SLC26A7: variants seen among roughly 807,000 people sequenced by gnomAD.
SLC26A7 encodes the protein solute carrier family 26 member 7, also known as anion exchange transporter.
Under a neutral mutation model 82.5 loss-of-function variants are expected in SLC26A7, and 59 were observed. The observed-to-expected ratio is 0.72, with a 90% CI of 0.58 to 0.89. SLC26A7 has a LOEUF of 0.89. SLC26A7 is among the 40% of genes least tolerant of loss of function. The probability of loss-of-function intolerance (pLI) is 0.00; values close to 1 mark genes in which losing one functional copy is unlikely to be tolerated. For missense variants in SLC26A7, 820 were observed against 793.0 expected (o/e 1.03, Z -0.41); for synonymous variants, 271 against 274.3 (o/e 0.99, Z 0.12).
chr8:91,312,333 A>C (rs1307254385), intron 4 of SLC26A7, among the ~76,000 whole-genome samples: 2 of 152,010 alleles, frequency 1.3e-5, no homozygotes, highest in South Asian at 4.1e-4. Context: ...TATATACTAC[A>C]TTTTGTTTAT....
intron 9 of SLC26A7, among the ~76,000 whole-genome samples, chr8:91,345,505 C>A (rs958062683): frequency 1.2e-4 from 19 of 152,162 alleles, no homozygotes; most frequent in Admixed American, 9.2e-4. Flanking sequence ...AATGCTTGAG[C>A]ACTAAATGTC....
chr8:91,235,481 C>G (rs189621169), intron 2 of SLC26A7, among the ~76,000 whole-genome samples: 18 of 152,098 alleles, frequency 1.2e-4, no homozygotes, highest in African/African-American at 4.3e-4. Flanking sequence ...AGAATTCCCA[C>G]CAGTCTAGGA....
intron 11 of SLC26A7, 136 bp downstream of exon 11, chr8:91,353,132 T>C (rs6996677): frequency 4.0e-5 from 19 of 474,408 alleles, no homozygotes; most frequent in African/African-American, 1.4e-4. Flanking sequence ...CCATTTTTTT[T>C]CCAAAATCTT....
At chr8:91,222,808 G>A (rs1243335731) in intron 2 of SLC26A7, among the ~76,000 whole-genome samples, 1 of 151,638 alleles carries the variant, frequency 6.6e-6, no homozygotes, top group African/African-American at 2.4e-5. Context: ...TTCTTTTTTT[G>A]TTGTGTCTCT....
intron 7 of SLC26A7, among the ~76,000 whole-genome samples, chr8:91,339,192 C>G (rs1262087925): frequency 6.6e-6 from 1 of 151,954 alleles, no homozygotes; most frequent in Non-Finnish European, 1.5e-5. Context: ...AAACAAAGTT[C>G]TTTTACTTTG....
chr8:91,254,418 C>A (rs1200504923), intron 2 of SLC26A7, among the ~76,000 whole-genome samples: 1 of 152,060 alleles, frequency 6.6e-6, no homozygotes, highest in Non-Finnish European at 1.5e-5. Flanking sequence ...TGTTGAAATG[C>A]CTCAAATTTG....
At chr8:91,234,851 C>A (rs71528790) in intron 2 of SLC26A7, among the ~76,000 whole-genome samples, 6 of 149,912 alleles carry the variant, frequency 4.0e-5, no homozygotes, top group South Asian at 4.3e-4. Flanking sequence ...TTCCTTCCTT[C>A]CTTCCTTCCT....
chr8:91,294,528 T>C (rs994239149), intron 3 of SLC26A7, among the ~76,000 whole-genome samples: 3 of 152,150 alleles, frequency 2.0e-5, no homozygotes, highest in Non-Finnish European at 4.4e-5. Flanking sequence ...TTGGGTTGTC[T>C]ACATGTTGAA....
chr8:91,380,985 A>G (rs2130894556), intron 15 of SLC26A7, among the ~76,000 whole-genome samples: 1 of 152,326 alleles, frequency 6.6e-6, no homozygotes, highest in East Asian at 1.9e-4. Context: ...TGACATAATA[A>G]TGAAAATTAT....
In SLC26A7 at chr8:91,395,238, A is replaced by G. The variant is rs1329908237; in HGVS notation, c.*141A>G. ...AAGTACGATGTGACTTAGTAACTGC[A>G]TAGCAGTTGGAAAGAACTGCCAACT... On this transcript the variant is annotated 3_prime_UTR_variant, in exon 19 of 19. Coordinates refer to ENST00000276609, the MANE Select transcript of SLC26A7 (RefSeq NM_052832.4). 7.6e-6 allele frequency: 11 copies of G among 1,438,238 alleles called. No homozygotes were observed. Among genetic ancestry groups the G allele is most frequent in the African/African-American group, 1.4e-5 (1 of 69,654 alleles). The allele number at this position is 1,438,238 out of a possible 1,614,324, so 89.1% of individuals were successfully genotyped here. A position where few individuals can be genotyped will look rare whatever the true frequency, so the allele number is the denominator to read the frequency against.
At position 91,382,851 on chromosome 8, in the gene SLC26A7, G is replaced by A. The variant is rs140722689; in HGVS notation, c.1676-6487G>A. Among the ~76,000 whole-genome samples the A allele has an allele frequency of 6.3e-3, 959 of 152,224 alleles. 7 individuals carry two copies. Among genetic ancestry groups the A allele is most frequent in the South Asian group, 0.031 (148 of 4,820 alleles). On this transcript the variant is annotated intron_variant, in intron 15 of 18. Transcript: ENST00000276609. ...TTCTCAATAACTAAAATAGGTAATA[G>A]GCAAACGCTCTACTCTTCATTTTAA...
At position 91,363,457 on chromosome 8, in the gene SLC26A7, C is replaced by A; in HGVS notation, c.1422-15C>A. The A allele has an allele frequency of 6.9e-7, 1 of 1,440,606 alleles. No individual in the cohort carries two copies. Among genetic ancestry groups the A allele is most frequent in the Non-Finnish European group, 9.5e-7 (1 of 1,048,812 alleles). 89.2% of individuals were successfully genotyped at this position (1,440,606 alleles called of 1,614,324 possible). ...GGAAATGACTTGTTTTATTTTCTAT[C>A]TGCTTTAATTTCAGAGCAATGACTG... On this transcript the variant is annotated splice_polypyrimidine_tract_variant and intron_variant, in intron 12 of 18. Transcript: ENST00000276609.
At chr8:91,293,278 A>G (rs1811922801) in intron 3 of SLC26A7, among the ~76,000 whole-genome samples, 2 of 152,234 alleles carry the variant, frequency 1.3e-5, no homozygotes, top group Admixed American at 6.5e-5. Context: ...GTAGTGGTAT[A>G]TAAGGGTACC....
chr8:91,268,253 G>C (rs1007677971), intron 2 of SLC26A7, among the ~76,000 whole-genome samples: 4 of 151,702 alleles, frequency 2.6e-5, no homozygotes, highest in Admixed American at 1.3e-4. Context: ...TACTATTACT[G>C]TATTGCAACT....
At chr8:91,301,959 T>G (rs1024987348) in intron 4 of SLC26A7, among the ~76,000 whole-genome samples, 1 of 152,116 alleles carries the variant, frequency 6.6e-6, no homozygotes, top group Non-Finnish European at 1.5e-5. Flanking sequence ...ATTTCCTCCT[T>G]TACCCAAAGA....
At position 91,393,792 on chromosome 8, in the gene SLC26A7, T is replaced by C; in HGVS notation, c.1777-5T>C. ...ATTGTGGGTATCCTATTTTAATTCT[T>C]CCAGGTTTACATGGACTGTAAAGGC... On this transcript the variant is annotated splice_region_variant and splice_polypyrimidine_tract_variant and intron_variant, in intron 16 of 18. Transcript: ENST00000276609. 1 of 1,613,402 alleles carries C rather than the reference T, an allele frequency of 6.2e-7. No homozygotes were observed. The highest frequency in any genetic ancestry group is 1.3e-5 in the African/African-American group (1 of 75,042).
chr8:91,368,573 C>T (rs1434165520), intron 14 of SLC26A7, among the ~76,000 whole-genome samples: 1 of 152,022 alleles, frequency 6.6e-6, no homozygotes, highest in African/African-American at 2.4e-5. Flanking sequence ...CGCCCGCCAC[C>T]ACGCCTGGCT....
chr8:91,328,771 T>C (rs1414841439), intron 5 of SLC26A7, among the ~76,000 whole-genome samples: 1 of 152,046 alleles, frequency 6.6e-6, no homozygotes, highest in Non-Finnish European at 1.5e-5. Context: ...TGTATGTGTG[T>C]GTGTAAATGT....
chr8:91,302,064 A>G (rs2130785675), intron 4 of SLC26A7, among the ~76,000 whole-genome samples: 1 of 152,120 alleles, frequency 6.6e-6, no homozygotes, highest in East Asian at 1.9e-4. Flanking sequence ...GTCAGGGAGT[A>G]TTGTTTATAA....
Sources: gnomAD v4.1 joint callset for allele counts (sites outside exome capture counted in the v4.1 genomes callset) on GRCh38, gnomAD v4.1.1 for gene constraint, MANE v1.5 for transcripts, NCBI Gene and HGNC (gene_info 2026-07-23, HGNC 2026-07-21) for gene names.